Variants in CCDC102A observed in about 807,000 individuals in gnomAD.
The protein encoded by CCDC102A is coiled-coil domain containing 102A.
In CCDC102A, 40 loss-of-function variants were observed where a neutral mutation model predicts 55.5. The ratio of observed to expected loss-of-function variants is 0.72; its 90% CI spans 0.56 to 0.94. The LOEUF is 0.94. CCDC102A is among the 40% of genes least tolerant of loss of function. CCDC102A has a pLI of 0.00. For missense variants in CCDC102A, 779 were observed against 768.6 expected (o/e 1.01, Z -0.16); for synonymous variants, 323 against 339.0 (o/e 0.95, Z 0.52).
chr16:57,531,142 T>C (rs1306380030), intron 1 of CCDC102A, among the ~76,000 whole-genome samples: 1 of 152,018 alleles, frequency 6.6e-6, no homozygotes, highest in Admixed American at 6.6e-5. Context: ...CAGCCCAGGT[T>C]GCCCTCAGAG....
rs2146698779 is a variant in CCDC102A, at chr16:57,516,456, G to T, written c.1256C>A (p.Ala419Glu). 2 of 1,606,404 alleles carry T rather than the reference G, an allele frequency of 1.2e-6. No homozygotes were observed. The highest frequency in any genetic ancestry group is 2.2e-5 in the East Asian group (1 of 44,864). ...CTTGCCATGCACATGCTTCAGGTCT[G>T]CCAGCTCCTACAGGGCACAGGGATG... The part of the protein sequence containing the change: ...AALFEKNKEL[A>E]DLKHVHGKLK... The change falls in exon 7 of 9, where the codon GCA becomes GAA. Residue 419 changes from alanine (A) to glutamate (E), a missense_variant. Physicochemically the swap from Ala to Glu is moderately radical, Grantham distance 107. Coordinates refer to ENST00000258214, the MANE Select transcript of CCDC102A (RefSeq NM_033212.4). This position sits in a 1 kb window ranked among gnomAD's most constrained non-coding sequence, Gnocchi z 4.4.
intron 3 of CCDC102A, among the ~76,000 whole-genome samples, chr16:57,523,694 C>T (rs2032088125): frequency 6.6e-6 from 1 of 151,872 alleles, no homozygotes; most frequent in Admixed American, 6.6e-5. Flanking sequence ...GCCTGTAATC[C>T]CAGCACTATG....
At chr16:57,536,234 C>T (rs1025002059) in intron 1 of CCDC102A, among the ~76,000 whole-genome samples, 2 of 151,854 alleles carry the variant, frequency 1.3e-5, no homozygotes, top group African/African-American at 4.8e-5. Flanking sequence ...GCCCGGGCCG[C>T]GGCATTCCGG....
rs2031882516 is a variant in CCDC102A at position 57,512,532 on chromosome 16, G to C, written c.*209C>G. Reference sequence around the variant, plus strand: ...TGGGTGTGCGCGCGCGCGCGCGCGTGTGTGTATATATATATATAAAACATA... The same window carrying C: ...TGGGTGTGCGCGCGCGCGCGCGCGTCTGTGTATATATATATATAAAACATA... On this transcript the variant is annotated 3_prime_UTR_variant, in exon 9 of 9. Transcript: ENST00000258214. 1.9e-6 allele frequency: 1 copy of C among 523,466 alleles called. No individual in the cohort carries two copies. Among genetic ancestry groups the C allele is most frequent in the Non-Finnish European group, 3.3e-6 (1 of 306,132 alleles). The allele number at this position is 523,466 out of a possible 1,614,324, so 32.4% of individuals were successfully genotyped here. A position where few individuals can be genotyped will look rare whatever the true frequency, so the allele number is the denominator to read the frequency against.
intron 7 of CCDC102A, among the ~76,000 whole-genome samples, chr16:57,515,659 C>T (rs1223552288): frequency 6.6e-6 from 1 of 152,058 alleles, no homozygotes; most frequent in Non-Finnish European, 1.5e-5. Context: ...ATCTACCCAT[C>T]CTCCCAGGCC....
Position 57,516,664 on chromosome 16 carries a change from T to C in CCDC102A, c.1249-201A>G. The C allele has an allele frequency of 3.4e-6, 2 of 596,568 alleles. No homozygotes were observed. The highest frequency in any genetic ancestry group is 1.9e-5 in the African/African-American group (1 of 53,728). The allele number at this position is 596,568 out of a possible 1,614,324, so 37.0% of individuals were successfully genotyped here. The stretch of plus-strand genomic sequence containing the variant: ...AGGCTGGAGGTGCCTTCCAGGGAGG[T>C]GAGAAGGCTGGGTGGGTGGAACCTG... On this transcript the variant is annotated intron_variant, in intron 6 of 8. Transcript: ENST00000258214. This position sits in a 1 kb window ranked among gnomAD's most constrained non-coding sequence, Gnocchi z 4.4.
chr16:57,528,803 C>T lies in CCDC102A; in HGVS notation c.375G>A (p.Leu125=). Residue 125 remains leucine, a synonymous_variant, in exon 2 of 9, where the codon CTG becomes CTA. Coordinates refer to ENST00000258214, the MANE Select transcript of CCDC102A (RefSeq NM_033212.4). ...RNRAREEVRQ[L]RQRLDALTKE... ...TGGTGAGCGCGTCCAGGCGCTGGCG[C>T]AGCTGGCGCACCTCCTCGCGCGCGC... 1 of 1,227,996 alleles carries T rather than the reference C, an allele frequency of 8.1e-7. No individual in the cohort carries two copies. Among genetic ancestry groups the T allele is most frequent in the Non-Finnish European group, 1.0e-6 (1 of 975,650 alleles). The allele number at this position is 1,227,996 out of a possible 1,614,324, so 76.1% of individuals were successfully genotyped here.
intron 5 of CCDC102A, 110 bp from the exon 6 acceptor site, chr16:57,518,387 C>A: frequency 2.0e-6 from 2 of 1,023,206 alleles, no homozygotes; most frequent in South Asian, 3.0e-5. Context: ...GGAAGCAGAT[C>A]CAGCTGCATT....
intron 1 of CCDC102A, among the ~76,000 whole-genome samples, chr16:57,536,104 A>T (rs1303675487): frequency 6.7e-6 from 1 of 149,952 alleles, no homozygotes; most frequent in East Asian, 2.0e-4. Context: ...GGCTCTGGGC[A>T]GGGCGCCGTG....
chr16:57,518,791 TGGAACCACCTCCGGG>T, intron 4 of CCDC102A, 50 bp from the exon 5 acceptor site: 1 of 1,449,646 alleles, frequency 6.9e-7, no homozygotes, highest in Non-Finnish European at 9.5e-7. Context: ...GGATATAGCC[TGGAACCACCTCCGGG>T]GGTGGGCGCC....
intron 1 of CCDC102A, among the ~76,000 whole-genome samples, chr16:57,535,375 A>G (rs1199709629): frequency 6.6e-6 from 1 of 152,046 alleles, no homozygotes; most frequent in Admixed American, 6.5e-5. Context: ...TGGATCATTG[A>G]TTTGAACTCC....
rs553298053 is a variant in CCDC102A, at chr16:57,529,638, G to A, written c.-147-314C>T. 1.0e-3 allele frequency among the ~76,000 whole-genome samples: 157 copies of A among 152,204 alleles called. 2 individuals are homozygous for A. Among genetic ancestry groups the A allele is most frequent in the Non-Finnish European group, 1.7e-3 (117 of 68,044 alleles). On this transcript the variant is annotated intron_variant, in intron 1 of 8. Transcript: ENST00000258214. The surrounding 1 kb of genome is among the most constrained non-coding windows in gnomAD (Gnocchi z 4.1). ...TATGCAACTTCCGCACAGGACCCAG[G>A]CGGGGGCACTGGGCTGGTGCCAGGA... is the stretch of plus-strand genomic sequence containing the variant.
chr16:57,513,015 G>A, intron 8 of CCDC102A, 145 bp from the exon 9 acceptor site: 1 of 631,310 alleles, frequency 1.6e-6, no homozygotes, highest in South Asian at 2.2e-5. Flanking sequence ...TATGATAGAA[G>A]TGCCATTATC....
At chr16:57,536,068 G>A (rs1026171195) in intron 1 of CCDC102A, among the ~76,000 whole-genome samples, 4 of 145,624 alleles carry the variant, frequency 2.7e-5, no homozygotes, top group Non-Finnish European at 6.0e-5. Context: ...CCACCCCACC[G>A]CATGGCCCCC....
rs879444476 is a variant in CCDC102A at position 57,535,235 on chromosome 16, G to T, written c.-148+1265C>A. Reference sequence around the variant, plus strand: ...CCAGGATCCAGCTGCAGGACCTCTGGGGGGAGCTGGCTGGCGGGAAAGGAA... The same window carrying T: ...CCAGGATCCAGCTGCAGGACCTCTGTGGGGAGCTGGCTGGCGGGAAAGGAA... On this transcript the variant is annotated intron_variant, in intron 1 of 8. Transcript: ENST00000258214. 5.3e-5 allele frequency among the ~76,000 whole-genome samples: 8 copies of T among 152,214 alleles called. No individual in the cohort carries two copies. In the East Asian group the frequency reaches 5.8e-4, roughly 11 times the overall value.
chr16:57,523,154 C>T (rs543292268), intron 3 of CCDC102A, among the ~76,000 whole-genome samples: 7 of 151,278 alleles, frequency 4.6e-5, no homozygotes, highest in South Asian at 2.1e-4. Flanking sequence ...GGCAACAGAG[C>T]GAGACTCTGT....
chr16:57,518,803 C>T (rs1215276755), intron 4 of CCDC102A, 62 bp from the exon 5 acceptor site: 38 of 1,327,974 alleles, frequency 2.9e-5, no homozygotes, highest in Middle Eastern at 2.1e-4. Flanking sequence ...GAACCACCTC[C>T]GGGGGTGGGC....
At chr16:57,526,261 C>T in intron 2 of CCDC102A, 134 bp from the exon 3 acceptor site, 1 of 645,384 alleles carries the variant, frequency 1.5e-6, no homozygotes, top group Non-Finnish European at 2.6e-6. Flanking sequence ...CTGCCTGCCT[C>T]TCCATCTCTG....
Position 57,528,807 on chromosome 16 carries a change from T to C in CCDC102A, c.371A>G (p.Gln124Arg), listed in dbSNP as rs776404217. The change falls in exon 2 of 9, where the codon CAG becomes CGG. Residue 124 changes from glutamine to arginine, a missense_variant. By Grantham distance (43) the Gln-to-Arg change is conservative (BLOSUM62 1). Coordinates refer to ENST00000258214, the MANE Select transcript of CCDC102A (RefSeq NM_033212.4). ...ERNRAREEVRQLRQRLDALTK... is the reference protein window; with the variant it reads ...ERNRAREEVRRLRQRLDALTK... ...GAGCGCGTCCAGGCGCTGGCGCAGC[T>C]GGCGCACCTCCTCGCGCGCGCGGTT... is the stretch of plus-strand genomic sequence containing the variant. The C allele has an allele frequency of 3.2e-5, 40 of 1,234,656 alleles. No homozygotes were observed. Among genetic ancestry groups the C allele is most frequent in the Non-Finnish European group, 4.0e-5 (39 of 979,174 alleles). 76.5% of individuals were successfully genotyped at this position (1,234,656 alleles called of 1,614,324 possible). A position where few individuals can be genotyped will look rare whatever the true frequency, so the allele number is the denominator to read the frequency against.
Sources: allele counts gnomAD v4.1 joint callset (sites outside exome capture counted in the v4.1 genomes callset), GRCh38; gene constraint gnomAD v4.1.1; non-coding constraint Gnocchi (gnomAD v3.1); transcripts MANE v1.5; gene names NCBI Gene and HGNC (gene_info 2026-07-23, HGNC 2026-07-21).